PRKCE: variants seen among roughly 807,000 people sequenced by gnomAD.
The protein encoded by PRKCE is protein kinase C epsilon type.
In PRKCE, 16 loss-of-function variants were observed where a neutral mutation model predicts 85.4. The observed-to-expected ratio is 0.19, with a 90% CI of 0.13 to 0.28. The LOEUF is 0.28. PRKCE is among the 10% of genes least tolerant of loss of function. The probability of loss-of-function intolerance (pLI) is 1.00; values close to 1 mark genes in which losing one functional copy is unlikely to be tolerated. For synonymous variants in PRKCE, 388 were observed against 371.5 expected, an observed-to-expected ratio of 1.04 and a Z score of -0.51; for missense variants, 573 against 975.2, an observed-to-expected ratio of 0.59 and a Z score of 5.49.
chr2:45,685,418 A>C (rs1326272139), intron 1 of PRKCE: 1 of 152,214 alleles, frequency 6.6e-6, no homozygotes, highest in African/African-American at 2.4e-5. Context: ...CACTAAACAT[A>C]CATTTCCTGA....
intron 9 of PRKCE, 55 bp from the exon 10 acceptor site, chr2:46,010,289 T>G: frequency 6.7e-7 from 1 of 1,497,718 alleles, no homozygotes. Flanking sequence ...AGCTTACACT[T>G]CTTCTTTTTA....
Position 45,726,113 on chromosome 2 carries a change from G to T in PRKCE, c.348+73665G>T, listed in dbSNP as rs1460533095. On this transcript the variant is annotated intron_variant, in intron 1 of 14. Coordinates refer to ENST00000306156, the MANE Select transcript of PRKCE (RefSeq NM_005400.3). The stretch of plus-strand genomic sequence containing the variant: ...GAGTTGCTTCTTAGGGAAAAACAAA[G>T]AAAGTGGTTTCTTGAGATAGAATCT... 3.3e-5 allele frequency among the ~76,000 whole-genome samples: 5 copies of T among 152,298 alleles called. No homozygotes were observed. The East Asian group carries it at 7.7e-4, about 23-fold the overall frequency.
At chr2:45,929,229 A>G (rs779997490) in intron 2 of PRKCE, among the ~76,000 whole-genome samples, 4 of 152,346 alleles carry the variant, frequency 2.6e-5, no homozygotes, top group Non-Finnish European at 5.9e-5. Context: ...ATTTGGGCAG[A>G]TGAGCCTTAT....
At chr2:46,070,285 G>A (rs186783092) in intron 10 of PRKCE, among the ~76,000 whole-genome samples, 3 of 150,436 alleles carry the variant, frequency 2.0e-5, no homozygotes, top group Admixed American at 6.6e-5. Flanking sequence ...GGCTTCCTGT[G>A]TGGACCCTCA....
At chr2:45,667,621 A>G (rs1675976758) in intron 1 of PRKCE, among the ~76,000 whole-genome samples, 1 of 152,186 alleles carries the variant, frequency 6.6e-6, no homozygotes, top group African/African-American at 2.4e-5. Flanking sequence ...GAAAAGGCCA[A>G]CACATGAGGA....
chr2:45,658,131 G>T (rs928497819), intron 1 of PRKCE, among the ~76,000 whole-genome samples: 1 of 152,168 alleles, frequency 6.6e-6, no homozygotes, highest in Non-Finnish European at 1.5e-5. Flanking sequence ...GTAGGGAAGG[G>T]CTGGCAATTG....
At chr2:45,952,125 G>T (rs552421927) in intron 2 of PRKCE, among the ~76,000 whole-genome samples, 1 of 152,304 alleles carries the variant, frequency 6.6e-6, no homozygotes, top group Non-Finnish European at 1.5e-5. Context: ...GAGCCACTGT[G>T]CCCAGTTGAT....
intron 2 of PRKCE, among the ~76,000 whole-genome samples, chr2:45,942,635 C>T (rs1322977125): frequency 6.6e-6 from 1 of 152,176 alleles, no homozygotes; most frequent in African/African-American, 2.4e-5. Flanking sequence ...AGGATTAGAA[C>T]ACGAATGGAA....
chr2:46,082,284 T>TAG (rs1370200074), intron 10 of PRKCE, among the ~76,000 whole-genome samples: 1 of 150,842 alleles, frequency 6.6e-6, no homozygotes, highest in Non-Finnish European at 1.5e-5. Context: ...ATGATGGTGG[T>TAG]AGAGAGAGAG....
intron 1 of PRKCE, among the ~76,000 whole-genome samples, chr2:45,766,063 T>A (rs938806987): frequency 6.6e-6 from 1 of 152,114 alleles, no homozygotes; most frequent in Non-Finnish European, 1.5e-5. Flanking sequence ...ATAGGGGAGA[T>A]TATTTTAGGA....
intron 2 of PRKCE, among the ~76,000 whole-genome samples, chr2:45,844,121 A>C (rs1472266510): frequency 6.6e-6 from 1 of 152,202 alleles, no homozygotes; most frequent in Non-Finnish European, 1.5e-5. Flanking sequence ...CAGTTAGTCA[A>C]ATGATGTGCT....
rs140019551 is a variant in PRKCE at position 45,921,435 on chromosome 2, G to A, written c.413-54994G>A. ...TAGTTTACCTTTCATGAGCACTTGC[G>A]TGCCAGCTACTCTTTCTTAAGTTTT... On this transcript the variant is annotated intron_variant, in intron 2 of 14. Transcript: ENST00000306156. 2.0e-3 allele frequency among the ~76,000 whole-genome samples: 298 copies of A among 152,332 alleles called. 2 individuals carry two copies. The highest frequency in any genetic ancestry group is 6.8e-3 in the African/African-American group (282 of 41,568).
chr2:45,960,752 A>G (rs1701319776), intron 2 of PRKCE, among the ~76,000 whole-genome samples: 2 of 152,136 alleles, frequency 1.3e-5, no homozygotes, highest in South Asian at 2.1e-4. Context: ...AGTGGATTTT[A>G]TCTTTTGCTT....
chr2:45,903,331 A>G (rs988838015), intron 2 of PRKCE, among the ~76,000 whole-genome samples: 2 of 152,208 alleles, frequency 1.3e-5, no homozygotes, highest in African/African-American at 4.8e-5. Flanking sequence ...AATTTTGTGA[A>G]TATTATGGCT....
At chr2:46,064,274 C>A (rs1269321344) in intron 10 of PRKCE, among the ~76,000 whole-genome samples, 1 of 112,500 alleles carries the variant, frequency 8.9e-6, no homozygotes. Context: ...GAGTGAGACT[C>A]TGTCTCAAAA....
intron 2 of PRKCE, among the ~76,000 whole-genome samples, chr2:45,903,911 G>GT (rs1371845316): frequency 4.8e-5 from 4 of 83,636 alleles, no homozygotes; most frequent in South Asian, 5.0e-4. Flanking sequence ...TTGTTTGTTT[G>GT]TTTGTTTTTT....
chr2:45,932,243 T>C (rs1322727894), intron 2 of PRKCE, among the ~76,000 whole-genome samples: 1 of 152,242 alleles, frequency 6.6e-6, no homozygotes, highest in Non-Finnish European at 1.5e-5. Context: ...TCATCCATGT[T>C]TTTGCATGTA....
At chr2:45,849,481 C>G (rs1558748437) in intron 2 of PRKCE, among the ~76,000 whole-genome samples, 3 of 152,322 alleles carry the variant, frequency 2.0e-5, no homozygotes. Context: ...TACTCCCACG[C>G]TTTCTCTTTT....
In PRKCE at chr2:45,810,339, C is replaced by T. The variant is rs538653662; in HGVS notation, c.349-32661C>T. Reference sequence around the variant, plus strand: ...TACAGGCGTGAACCACCGCGCCCAGCCAAAGGATAACTTTTTAAAAAGATG... The same window carrying T: ...TACAGGCGTGAACCACCGCGCCCAGTCAAAGGATAACTTTTTAAAAAGATG... On this transcript the variant is annotated intron_variant, in intron 1 of 14. Transcript: ENST00000306156. Among the ~76,000 whole-genome samples the T allele has an allele frequency of 1.2e-3, 189 of 152,138 alleles. 4 individuals carry two copies. The South Asian group carries it at 0.038, about 31-fold the overall frequency.
Sources: allele counts gnomAD v4.1 joint callset (sites outside exome capture counted in the v4.1 genomes callset), GRCh38; gene constraint gnomAD v4.1.1; transcripts MANE v1.5; gene names NCBI Gene and HGNC (gene_info 2026-07-23, HGNC 2026-07-21).